VPS13C: variants seen among roughly 807,000 people sequenced by gnomAD.
VPS13C encodes the protein intermembrane lipid transfer protein VPS13C.
A neutral mutation model predicts 456.8 loss-of-function variants in VPS13C; 358 were observed. That is an observed-to-expected ratio of 0.78 (90% CI 0.72 to 0.86). The LOEUF (loss-of-function observed/expected upper bound fraction) is 0.86. VPS13C is among the 40% of genes least tolerant of loss of function. VPS13C has a pLI of 0.00. For missense variants in VPS13C, 4,818 were observed against 4,385.4 expected (o/e 1.10, Z -2.79); for synonymous variants, 1,578 against 1,486.7 (o/e 1.06, Z -1.41).
At position 61,920,208 on chromosome 15, in the gene VPS13C, C is replaced by A; in HGVS notation, c.7336G>T (p.Gly2446Cys). 2 of 1,613,522 alleles carry A rather than the reference C, an allele frequency of 1.2e-6. No individual in the cohort carries two copies. Among genetic ancestry groups the A allele is most frequent in the Non-Finnish European group, 8.5e-7 (1 of 1,179,646 alleles). Residue 2446 changes from glycine (G) to cysteine (C), a missense_variant, in exon 57 of 85, where the codon GGC becomes TGC. Physicochemically the swap from Gly to Cys is radical, Grantham distance 159 (BLOSUM62 -3). Coordinates refer to ENST00000644861, the MANE Select transcript of VPS13C (RefSeq NM_020821.3). ...VKPNCNLRVM[G>C]FPEKSDIFDV... ...AAAATATCACTTTTCTCAGGGAAGC[C>A]CATTACTCTGAGATTACAATTGGGC... is the stretch of plus-strand genomic sequence containing the variant.
At chr15:61,936,886 A>G in intron 47 of VPS13C, 136 bp from the exon 48 acceptor site, 1 of 929,618 alleles carries the variant, frequency 1.1e-6, no homozygotes, top group East Asian at 2.7e-5. Context: ...AGGACTATAA[A>G]TACCAGAACA....
intron 67 of VPS13C, among the ~76,000 whole-genome samples, chr15:61,886,651 T>C (rs1425863534): frequency 6.6e-6 from 1 of 152,138 alleles, no homozygotes; most frequent in African/African-American, 2.4e-5. Flanking sequence ...TCATACAGTT[T>C]GTACAAAAAC....
At chr15:62,010,664 A>G (rs910582127) in intron 12 of VPS13C, 65 bp from the exon 13 acceptor site, 37 of 1,421,964 alleles carry the variant, frequency 2.6e-5, no homozygotes, top group Admixed American at 7.3e-5. Flanking sequence ...AGTGTAAATA[A>G]TTATGAGAAC....
chr15:61,947,027 C>T (rs558933596), intron 43 of VPS13C, among the ~76,000 whole-genome samples, 166 bp downstream of exon 43: 1 of 152,148 alleles, frequency 6.6e-6, no homozygotes, highest in South Asian at 2.1e-4. Flanking sequence ...CAATGAATCA[C>T]AACAAATTTA....
Position 61,951,702 on chromosome 15 carries a change from A to C in VPS13C, c.4456+122T>G, listed in dbSNP as rs2044800029. ...CTGTACCCAGGGACTGTTTTTGAAA[A>C]GTTGAGTTAATGTACTAGGAAATTA... On this transcript the variant is annotated intron_variant, in intron 39 of 84. Coordinates refer to ENST00000644861, the MANE Select transcript of VPS13C (RefSeq NM_020821.3). 10 of 1,077,028 alleles carry C rather than the reference A, an allele frequency of 9.3e-6. 1 individual carries two copies. In the South Asian group the frequency reaches 2.5e-4, roughly 26 times the overall value. The allele number at this position is 1,077,028 out of a possible 1,614,324, so 66.7% of individuals were successfully genotyped here. A position where few individuals can be genotyped will look rare whatever the true frequency, so the allele number is the denominator to read the frequency against.
At chr15:61,913,878 G>A (rs1048747925) in intron 61 of VPS13C, among the ~76,000 whole-genome samples, 1 of 152,102 alleles carries the variant, frequency 6.6e-6, no homozygotes, top group Non-Finnish European at 1.5e-5. Context: ...TCCTGTCTTC[G>A]ATGAGCTTCC....
At position 61,966,088 on chromosome 15, in the gene VPS13C, CTGTT is replaced by C; in HGVS notation, c.3042_3045del (p.Thr1015LeufsTer8). On this transcript the variant is annotated frameshift_variant, in exon 30 of 85. Coordinates refer to ENST00000644861, the MANE Select transcript of VPS13C (RefSeq NM_020821.3). LOFTEE classifies it high-confidence loss of function. ...CCTTTAACAGAATTTCTTACCTTAA[CTGTT>C]TGTTCAGTTTTTCCAAAAGCAGTTT... is the stretch of plus-strand genomic sequence containing the variant. The C allele has an allele frequency of 1.9e-6, 3 of 1,600,318 alleles. No individual in the cohort carries two copies. Among genetic ancestry groups the C allele is most frequent in the South Asian group, 2.3e-5 (2 of 88,850 alleles).
rs753508536 is a variant in VPS13C at position 61,929,699 on chromosome 15, T to C, written c.6088A>G (p.Ile2030Val). The C allele has an allele frequency of 5.0e-6, 8 of 1,613,840 alleles. No individual in the cohort carries two copies. The highest frequency in any genetic ancestry group is 3.3e-5 in the Admixed American group (2 of 60,010). Residue 2030 changes from isoleucine to valine, a missense_variant, in exon 51 of 85, where the codon ATA becomes GTA. Transcript: ENST00000644861. ...CCATTTTTGTCTTGTTTGTAACTTA[T>C]ATCAATCATAGAACTGTTGTTATCT... ...DQDNNSSMID[I>V]SYKQDKNGSQ...
At position 62,008,876 on chromosome 15, in the gene VPS13C, G is replaced by A. The variant is rs2046945532; in HGVS notation, c.1012-115C>T. On this transcript the variant is annotated intron_variant, in intron 13 of 84. Transcript: ENST00000644861. ...CCAAATACCCTGAACAATGTTGCCT[G>A]GTAGTCCAATAATATACTGTATTTC... 8.3e-6 allele frequency: 4 copies of A among 482,078 alleles called. No individual in the cohort carries two copies. In the East Asian group the frequency reaches 1.4e-4, roughly 16 times the overall value. 29.9% of individuals were successfully genotyped at this position (482,078 alleles called of 1,614,324 possible). A position where few individuals can be genotyped will look rare whatever the true frequency, so the allele number is the denominator to read the frequency against.
In VPS13C at chr15:62,034,995, G is replaced by A; in HGVS notation, c.245C>T (p.Thr82Ile). 2 of 1,602,776 alleles carry A rather than the reference G, an allele frequency of 1.2e-6. No homozygotes were observed. Among genetic ancestry groups the A allele is most frequent in the Non-Finnish European group, 1.7e-6 (2 of 1,173,646 alleles). ...AACAAGCAGGTATAATCCTTCCAGG[G>A]TCGCAACAACTGCTTCTCCATAAAG... Reference protein sequence around the residue: ...KNLYGEAVVATLEGLYLLVVP... With the variant: ...KNLYGEAVVAILEGLYLLVVP... The change falls in exon 4 of 85, where the codon ACC (threonine) becomes ATC (isoleucine). Residue 82 changes from threonine to isoleucine, a missense_variant. This residue lies in a region of VPS13C where 4,552 missense variants were observed against 4,130.6 expected (regional missense o/e 1.10). Transcript: ENST00000644861.
At chr15:61,945,904 G>A (rs778564780) in intron 44 of VPS13C, 22 bp from the exon 45 acceptor site, 3 of 1,578,158 alleles carry the variant, frequency 1.9e-6, no homozygotes, top group South Asian at 2.4e-5. Flanking sequence ...AGATTAACTG[G>A]TTATTATATC....
chr15:61,940,482 G>A (rs2044382236), intron 47 of VPS13C, among the ~76,000 whole-genome samples, 165 bp downstream of exon 47: 1 of 151,880 alleles, frequency 6.6e-6, no homozygotes, highest in African/African-American at 2.4e-5. Flanking sequence ...TTTATTACTT[G>A]GGCAAAAGTA....
intron 66 of VPS13C, among the ~76,000 whole-genome samples, chr15:61,902,636 A>G (rs1470569932): frequency 6.6e-6 from 1 of 152,216 alleles, no homozygotes; most frequent in Non-Finnish European, 1.5e-5. Flanking sequence ...GCGTTTGACA[A>G]AATTTGGTAT....
chr15:61,870,696 GC>G (rs978626496), intron 79 of VPS13C, among the ~76,000 whole-genome samples: 1 of 152,142 alleles, frequency 6.6e-6, no homozygotes, highest in African/African-American at 2.4e-5. Context: ...ACTTTTTGAA[GC>G]ACTGACAGAC....
rs140294206 is a variant in VPS13C at position 62,019,787 on chromosome 15, G to A, written c.684+692C>T. The stretch of plus-strand genomic sequence containing the variant: ...CTGTTGATTTGGGGTGGACAGTTCT[G>A]TAGATGTCTATTGGGTCTGCTTGGT... On this transcript the variant is annotated intron_variant, in intron 9 of 84. Transcript: ENST00000644861. Among the ~76,000 whole-genome samples the A allele has an allele frequency of 6.6e-5, 10 of 152,092 alleles. No individual in the cohort carries two copies. The East Asian group carries it at 1.9e-3, about 29-fold the overall frequency.
In VPS13C at chr15:61,966,144, T is replaced by C. The variant is rs1283149396; in HGVS notation, c.2992-2A>G. 6.3e-7 allele frequency: 1 copy of C among 1,599,614 alleles called. No individual in the cohort carries two copies. Among genetic ancestry groups the C allele is most frequent in the East Asian group, 2.3e-5 (1 of 44,332 alleles). On this transcript the variant is annotated splice_acceptor_variant, in intron 29 of 84. Coordinates refer to ENST00000644861, the MANE Select transcript of VPS13C (RefSeq NM_020821.3). LOFTEE classifies it high-confidence loss of function. ...AAAACTAGGTCCATTCTTATCAGCC[T>C]GAAAAAAGAAGTAAAAGTTCTAAAG...
intron 15 of VPS13C, among the ~76,000 whole-genome samples, chr15:62,005,152 C>G (rs926869057): frequency 5.3e-5 from 8 of 152,048 alleles, no homozygotes; most frequent in East Asian, 1.9e-4. Context: ...ATGTGTGGGA[C>G]TCTAAGTCTC....
At position 61,858,360 on chromosome 15, in the gene VPS13C, ATCTG is replaced by A. The variant is rs1204627223; in HGVS notation, c.10953-1955_10953-1952del. On this transcript the variant is annotated intron_variant, in intron 82 of 84. Transcript: ENST00000644861. This position sits in a 1 kb window ranked among gnomAD's most constrained non-coding sequence, Gnocchi z 4.4. Reference sequence around the variant, plus strand: ...TATCTATCTATCTATCTATCTATCTATCTGTCTATCTATCTCCCTCCCTCCCTAT... The same window carrying A: ...TATCTATCTATCTATCTATCTATCTATCTATCTATCTCCCTCCCTCCCTAT... Among the ~76,000 whole-genome samples, 36 of 135,524 alleles carry A rather than the reference ATCTG, an allele frequency of 2.7e-4. No homozygotes were observed. Among genetic ancestry groups the A allele is most frequent in the South Asian group, 9.0e-4 (4 of 4,434 alleles). 88.9% of individuals were successfully genotyped at this position (135,524 alleles called of 152,430 possible).
chr15:61,934,203 G>GA lies in VPS13C; in HGVS notation c.5868+15dup. 7 of 1,511,338 alleles carry GA rather than the reference G, an allele frequency of 4.6e-6. No homozygotes were observed. The highest frequency in any genetic ancestry group is 6.3e-6 in the Non-Finnish European group (7 of 1,113,180). The allele number at this position is 1,511,338 out of a possible 1,614,324, so 93.6% of individuals were successfully genotyped here. A position where few individuals can be genotyped will look rare whatever the true frequency, so the allele number is the denominator to read the frequency against. ...AGCTAAGGATTTATTTCTAATTACA[G>GA]AAATGTATTACATACCTGGTTGATA... On this transcript the variant is annotated intron_variant, in intron 49 of 84. Coordinates refer to ENST00000644861, the MANE Select transcript of VPS13C (RefSeq NM_020821.3).
Sources: gnomAD v4.1 joint callset for allele counts (sites outside exome capture counted in the v4.1 genomes callset) on GRCh38, gnomAD v4.1.1 for gene constraint, gnomAD v4.1.1 regional missense constraint, Gnocchi (gnomAD v3.1) non-coding constraint, MANE v1.5 for transcripts, NCBI Gene and HGNC (gene_info 2026-07-23, HGNC 2026-07-21) for gene names.